NCOR2: variants seen among roughly 807,000 people sequenced by gnomAD.
NCOR2 encodes nuclear receptor corepressor 2.
Under a neutral mutation model 262.9 loss-of-function variants are expected in NCOR2, and 81 were observed. The observed-to-expected ratio is 0.31, with a 90% CI of 0.26 to 0.37. The LOEUF is 0.37. NCOR2 is among the 10% of genes least tolerant of loss of function. NCOR2 has a pLI of 1.00. For synonymous variants in NCOR2, 1,659 were observed against 1,559.3 expected (o/e 1.06, Z -1.51); for missense variants, 3,385 against 3,621.4 (o/e 0.93, Z 1.68).
At chr12:124,487,468 C>G (rs2047828095) in intron 1 of NCOR2, among the ~76,000 whole-genome samples, 1 of 152,282 alleles carries the variant, frequency 6.6e-6, no homozygotes, top group African/African-American at 2.4e-5. Context: ...TCAAGCTCCT[C>G]TGACCCATCC....
At chr12:124,537,342 T>C (rs560415073), upstream of NCOR2, among the ~76,000 whole-genome samples, 15 of 152,328 alleles carry the variant, frequency 9.8e-5, no homozygotes, top group African/African-American at 3.4e-4. Flanking sequence ...AACGGACCTC[T>C]GGGAAACCCC....
At chr12:124,358,034 G>A (rs1470675272) in intron 22 of NCOR2, among the ~76,000 whole-genome samples, 1 of 151,010 alleles carries the variant, frequency 6.6e-6, no homozygotes, top group Non-Finnish European at 1.5e-5. Context: ...GTGTGTGTGA[G>A]TGCATGGATG....
In NCOR2 at chr12:124,503,927, G is replaced by C. The variant is rs1423044074; in HGVS notation, c.-117-8559C>G. 6.6e-6 allele frequency among the ~76,000 whole-genome samples: 1 copy of C among 152,136 alleles called. No individual in the cohort carries two copies. Among genetic ancestry groups the C allele is most frequent in the Non-Finnish European group, 1.5e-5 (1 of 68,024 alleles). On this transcript the variant is annotated intron_variant, in intron 1 of 46. Transcript: ENST00000404621. The surrounding 1 kb of genome is among the most constrained non-coding windows in gnomAD (Gnocchi z 4.3). ...ATTCCCAGGCCCTCCCACATGCCCA[G>C]CTCCATGAGGGACACAGAAAGGCAC...
At position 124,388,790 on chromosome 12, in the gene NCOR2, G is replaced by GGTCGGCTCTGCGAGGCTGCTGGTTGGC. The variant is rs2041024483; in HGVS notation, c.1877-2930_1877-2904dup. ...GTGGGCCGGCAGGCTGGGCGGCCGC[G>GGTCGGCTCTGCGAGGCTGCTGGTTGGC]GTCGGCTCTGCGAGGCTGCTGGTTG... On this transcript the variant is annotated intron_variant, in intron 16 of 46. Transcript: ENST00000405201. 1.0e-5 allele frequency: 13 copies of GGTCGGCTCTGCGAGGCTGCTGGTTGGC among 1,302,256 alleles called. No individual in the cohort carries two copies. In the South Asian group the frequency reaches 1.5e-4, roughly 15 times the overall value. The allele number at this position is 1,302,256 out of a possible 1,614,324, so 80.7% of individuals were successfully genotyped here.
At chr12:124,412,510 G>C (rs971510191) in intron 13 of NCOR2, among the ~76,000 whole-genome samples, 2 of 152,260 alleles carry the variant, frequency 1.3e-5, no homozygotes, top group Non-Finnish European at 2.9e-5. Context: ...GCCATCGGCT[G>C]TCAGGCGCGC....
At chr12:124,552,992 A>G (rs1450883784) in intron 1 of NCOR2, among the ~76,000 whole-genome samples, 1 of 152,222 alleles carries the variant, frequency 6.6e-6, no homozygotes, top group African/African-American at 2.4e-5. Flanking sequence ...AGCCAGCATA[A>G]GTTTATTACC....
Position 124,526,104 on chromosome 12 carries a change from C to A in NCOR2, c.-118+9461G>T, listed in dbSNP as rs544532794. On this transcript the variant is annotated intron_variant, in intron 1 of 46. Transcript: ENST00000404621. ...GAAGCATGTACACACATTAGTCCCT[C>A]CAAGATGGGCTTATGATTATTCAAT... is the stretch of plus-strand genomic sequence containing the variant. Among the ~76,000 whole-genome samples the A allele has an allele frequency of 2.0e-5, 3 of 152,288 alleles. No individual in the cohort carries two copies. The South Asian group carries it at 6.2e-4, about 32-fold the overall frequency.
chr12:124,372,316 TCCACTGGGGGCGCTGCTG>T, exon 20 of NCOR2: 1 of 1,526,948 alleles, frequency 6.5e-7, no homozygotes. Flanking sequence ...CTCCCCCTCC[TCCACTGGGGGCGCTGCTG>T]CGGTCTCCTC....
rs537322202 is a variant in NCOR2 at position 124,482,118 on chromosome 12, C to T, written c.411+1478G>A. On this transcript the variant is annotated intron_variant, in intron 3 of 46. Coordinates refer to ENST00000405201, the Ensembl canonical transcript of NCOR2. This position sits in a 1 kb window ranked among gnomAD's most constrained non-coding sequence, Gnocchi z 6.3. ...GGAGGTTCCTGAGTGGGCTCTCAGG[C>T]GCATGTGGTCTGTTGGCTAGGAGTT... is the stretch of plus-strand genomic sequence containing the variant. Among the ~76,000 whole-genome samples, 2 of 152,218 alleles carry T rather than the reference C, an allele frequency of 1.3e-5. No individual in the cohort carries two copies. Among genetic ancestry groups the T allele is most frequent in the East Asian group, 1.9e-4 (1 of 5,176 alleles).
intron 1 of NCOR2, among the ~76,000 whole-genome samples, chr12:124,525,642 G>A (rs1023368852): frequency 1.3e-5 from 2 of 152,242 alleles, no homozygotes; most frequent in Non-Finnish European, 2.9e-5. Flanking sequence ...GTGGCACATG[G>A]AGGCTGTCCC....
At chr12:124,519,745 C>A (rs1220726900) in intron 1 of NCOR2, among the ~76,000 whole-genome samples, 4 of 152,224 alleles carry the variant, frequency 2.6e-5, no homozygotes, top group African/African-American at 9.6e-5. Context: ...CCGAGCCCAG[C>A]AGCTCGGACT....
intron 1 of NCOR2, among the ~76,000 whole-genome samples, chr12:124,508,019 T>A (rs1309512403): frequency 1.3e-5 from 2 of 152,220 alleles, no homozygotes; most frequent in Admixed American, 1.3e-4. Flanking sequence ...CCACCACATG[T>A]GAATGAGGAC....
chr12:124,490,419 TG>T (rs2048019647), intron 1 of NCOR2, among the ~76,000 whole-genome samples: 1 of 95,514 alleles, frequency 1.0e-5, no homozygotes, highest in African/African-American at 3.3e-5. Context: ...GATGGATGGA[TG>T]GATGGATGGA....
Position 124,454,700 on chromosome 12 carries a change from T to A in NCOR2, c.762+2406A>T, listed in dbSNP as rs1264289719. Among the ~76,000 whole-genome samples the A allele has an allele frequency of 6.6e-6, 1 of 152,190 alleles. No homozygotes were observed. Among genetic ancestry groups the A allele is most frequent in the Non-Finnish European group, 1.5e-5 (1 of 68,040 alleles). On this transcript the variant is annotated intron_variant, in intron 6 of 46. Coordinates refer to ENST00000405201, the Ensembl canonical transcript of NCOR2. The surrounding 1 kb of genome is among the most constrained non-coding windows in gnomAD (Gnocchi z 5.6). Reference sequence around the variant, plus strand: ...AAGAGGCAGCTTACTGGTGGAGATGTAAAATGGTACGGCCACTTTTCGGCC... The same window carrying A: ...AAGAGGCAGCTTACTGGTGGAGATGAAAAATGGTACGGCCACTTTTCGGCC...
At chr12:124,543,315 G>A (rs765437176) in intron 1 of NCOR2, among the ~76,000 whole-genome samples, 10 of 152,222 alleles carry the variant, frequency 6.6e-5, no homozygotes, top group Non-Finnish European at 1.3e-4. Context: ...CGGGCATAGC[G>A]ACTGGGGAGG....
At chr12:124,366,167 A>G (rs541557906) in intron 20 of NCOR2, among the ~76,000 whole-genome samples, 4 of 152,290 alleles carry the variant, frequency 2.6e-5, no homozygotes, top group South Asian at 2.1e-4. Context: ...CCAGCGCACA[A>G]CAGCCAGAAG....
chr12:124,425,942 C>A (rs1020668082), intron 11 of NCOR2, among the ~76,000 whole-genome samples: 1 of 152,180 alleles, frequency 6.6e-6, no homozygotes, highest in Non-Finnish European at 1.5e-5. Context: ...TGAGAAGACA[C>A]AGGCACAGTG....
rs1430428481 is a variant in NCOR2, at chr12:124,378,129, C to T, written c.2167+108G>A. ...AGTCGAGGCCCCTTCTAAGGAGGAC[C>T]CAGATGACTCAGGGGAGAGGAGGCT... On this transcript the variant is annotated intron_variant, in intron 18 of 46. Coordinates refer to ENST00000405201, the Ensembl canonical transcript of NCOR2. This position sits in a 1 kb window ranked among gnomAD's most constrained non-coding sequence, Gnocchi z 4.2. 6.6e-7 allele frequency: 1 copy of T among 1,519,010 alleles called. No homozygotes were observed. Among genetic ancestry groups the T allele is most frequent in the East Asian group, 2.3e-5 (1 of 44,072 alleles). The allele number at this position is 1,519,010 out of a possible 1,614,324, so 94.1% of individuals were successfully genotyped here.
Position 124,481,563 on chromosome 12 carries a change from C to G in NCOR2, c.411+2033G>C, listed in dbSNP as rs11838088. ...TGGGGGAGGGCGCTCCTGCGGAGGG[C>G]ACAGCCGGTGCAAAGGTCCCCAGGT... On this transcript the variant is annotated intron_variant, in intron 3 of 46. Coordinates refer to ENST00000405201, the Ensembl canonical transcript of NCOR2. This position sits in a 1 kb window ranked among gnomAD's most constrained non-coding sequence, Gnocchi z 4.6. 4.5e-3 allele frequency among the ~76,000 whole-genome samples: 685 copies of G among 152,274 alleles called. 4 individuals are homozygous for G. The highest frequency in any genetic ancestry group is 0.015 in the African/African-American group (644 of 41,554).
Sources: gnomAD v4.1 joint callset for allele counts (sites outside exome capture counted in the v4.1 genomes callset) on GRCh38, gnomAD v4.1.1 for gene constraint, Gnocchi (gnomAD v3.1) non-coding constraint, MANE v1.5 for transcripts, NCBI Gene and HGNC (gene_info 2026-07-23, HGNC 2026-07-21) for gene names.